Variants in PCCA observed in about 807,000 individuals in gnomAD.
PCCA encodes the protein propionyl-CoA carboxylase subunit alpha.
Under a neutral mutation model 101.3 loss-of-function variants are expected in PCCA, and 74 were observed. The observed-to-expected ratio is 0.73, with a 90% CI of 0.61 to 0.89. The LOEUF (loss-of-function observed/expected upper bound fraction) is 0.89. PCCA is among the 40% of genes least tolerant of loss of function. The pLI is 0.00. For synonymous variants in PCCA, 294 were observed against 313.6 expected (o/e 0.94, Z 0.66); for missense variants, 891 against 907.0 (o/e 0.98, Z 0.23).
chr13:100,261,520 C>G (rs1036790289), intron 9 of PCCA, among the ~76,000 whole-genome samples: 1 of 152,066 alleles, frequency 6.6e-6, no homozygotes, highest in African/African-American at 2.4e-5. Context: ...CATGGGCCAC[C>G]ACAACCAGCT....
chr13:100,094,348 C>T (rs937946155), intron 1 of PCCA, among the ~76,000 whole-genome samples: 1 of 150,946 alleles, frequency 6.6e-6, no homozygotes, highest in African/African-American at 2.4e-5. Flanking sequence ...CTTTTGACAA[C>T]ACTCTTGAAT....
intron 4 of PCCA, among the ~76,000 whole-genome samples, chr13:100,137,539 A>T (rs1176054950): frequency 6.6e-6 from 1 of 152,096 alleles, no homozygotes; most frequent in Non-Finnish European, 1.5e-5. Context: ...CACATTAAGG[A>T]TTATTGTATC....
chr13:100,317,546 G>C (rs1419754658), intron 16 of PCCA, among the ~76,000 whole-genome samples: 1 of 152,150 alleles, frequency 6.6e-6, no homozygotes, highest in Non-Finnish European at 1.5e-5. Context: ...ATGTTGCAGA[G>C]CCAGAACTTT....
chr13:100,201,876 A>C (rs1488254446), intron 6 of PCCA, among the ~76,000 whole-genome samples: 28 of 150,104 alleles, frequency 1.9e-4, no homozygotes, highest in African/African-American at 6.3e-4. Context: ...AAAAAAAAAA[A>C]AAAAAAAAAA....
chr13:100,441,380 C>G (rs2080353867), intron 20 of PCCA, among the ~76,000 whole-genome samples: 1 of 152,166 alleles, frequency 6.6e-6, no homozygotes, highest in South Asian at 2.1e-4. Context: ...CTTCCTCTTA[C>G]TGTTCAGTGA....
chr13:100,248,303 T>A lies in PCCA; in HGVS notation c.638-9292T>A, dbSNP rs77738346. On this transcript the variant is annotated intron_variant, in intron 8 of 23. Transcript: ENST00000376285. ...CTTGGCTTCTTTTTGATGACGACTTTAAAAAAAATGTCTCTTGTTCTTATT... is the reference window on the plus strand; with the variant it reads ...CTTGGCTTCTTTTTGATGACGACTTAAAAAAAAATGTCTCTTGTTCTTATT... Among the ~76,000 whole-genome samples, 1,466 of 151,990 alleles carry A rather than the reference T, an allele frequency of 9.6e-3. 72 individuals are homozygous for A. Among genetic ancestry groups the A allele is most frequent in the Admixed American group, 0.066 (1,001 of 15,268 alleles).
chr13:100,096,954 C>T (rs551468738), intron 1 of PCCA, among the ~76,000 whole-genome samples: 7 of 152,178 alleles, frequency 4.6e-5, no homozygotes, highest in African/African-American at 1.4e-4. Context: ...TTTGGGAGGC[C>T]GAGGCGAGTG....
At chr13:100,359,611 A>G (rs2074343207) in intron 18 of PCCA, among the ~76,000 whole-genome samples, 1 of 152,252 alleles carries the variant, frequency 6.6e-6, no homozygotes. Flanking sequence ...GTCACTAGTT[A>G]GAGTATGAAG....
chr13:100,419,633 A>T (rs2078615637), intron 19 of PCCA, among the ~76,000 whole-genome samples: 1 of 152,252 alleles, frequency 6.6e-6, no homozygotes, highest in Non-Finnish European at 1.5e-5. Flanking sequence ...GAAGAGACAC[A>T]GTTAGGGAGC....
chr13:100,497,299 G>GA (rs1194796834), intron 21 of PCCA, among the ~76,000 whole-genome samples: 1 of 152,082 alleles, frequency 6.6e-6, no homozygotes, highest in Non-Finnish European at 1.5e-5. Flanking sequence ...GAAAATTAGT[G>GA]AAAAATGAAA....
At chr13:100,264,671 A>G (rs1247446108) in intron 10 of PCCA, among the ~76,000 whole-genome samples, 1 of 152,108 alleles carries the variant, frequency 6.6e-6, no homozygotes, top group Non-Finnish European at 1.5e-5. Flanking sequence ...TTATATTAGA[A>G]ATAAATTGCT....
chr13:100,098,182 A>G (rs1456145316), intron 1 of PCCA, among the ~76,000 whole-genome samples: 1 of 152,184 alleles, frequency 6.6e-6, no homozygotes, highest in Non-Finnish European at 1.5e-5. Context: ...AGCCTGGGCA[A>G]ACATAGTGAG....
At chr13:100,432,146 A>AAAATAAATAAAT (rs59813518) in intron 20 of PCCA, among the ~76,000 whole-genome samples, 2 of 150,868 alleles carry the variant, frequency 1.3e-5, no homozygotes, top group East Asian at 4.0e-4. Context: ...CTCCATCTCA[A>AAAATAAATAAAT]AAATAAATAA....
At chr13:100,242,133 TTAAAA>T (rs1162296374) in intron 8 of PCCA, among the ~76,000 whole-genome samples, 2 of 152,176 alleles carry the variant, frequency 1.3e-5, no homozygotes, top group African/African-American at 4.8e-5. Flanking sequence ...GAAGAATAGA[TTAAAA>T]AAAGTGACTC....
chr13:100,150,874 T>A lies in PCCA; in HGVS notation c.301-4105T>A, dbSNP rs182329069. On this transcript the variant is annotated intron_variant, in intron 4 of 23. Coordinates refer to ENST00000376285, the MANE Select transcript of PCCA (RefSeq NM_000282.4). ...TGCCATAAGTTGCACCCTTAGGAAC[T>A]GGGCGTTTTCGGCCACCACGGCAAA... The A allele has an allele frequency of 4.5e-6, 7 of 1,569,308 alleles. No homozygotes were observed. The African/African-American group carries it at 8.1e-5, about 18-fold the overall frequency.
intron 4 of PCCA, among the ~76,000 whole-genome samples, chr13:100,124,908 G>T (rs1386628763): frequency 6.6e-6 from 1 of 151,986 alleles, no homozygotes; most frequent in Non-Finnish European, 1.5e-5. Flanking sequence ...AACCTCAAAC[G>T]CATTTTTTCT....
intron 16 of PCCA, among the ~76,000 whole-genome samples, chr13:100,320,008 G>A (rs1412328937): frequency 5.3e-5 from 8 of 152,196 alleles, no homozygotes; most frequent in Non-Finnish European, 8.8e-5. Flanking sequence ...TTGTTGAGCA[G>A]TGTTTTGTAG....
chr13:100,267,047 G>A lies in PCCA; in HGVS notation c.820-1642G>A, dbSNP rs187300679. On this transcript the variant is annotated intron_variant, in intron 10 of 23. Transcript: ENST00000376285. ...GCAAATCATTTTTGTTGAATGCCTA[G>A]TAAGTGCACAGAATTTTTAAAAAAT... Among the ~76,000 whole-genome samples the A allele has an allele frequency of 6.0e-3, 920 of 152,226 alleles. 8 individuals carry two copies. Among genetic ancestry groups the A allele is most frequent in the South Asian group, 0.028 (136 of 4,824 alleles).
chr13:100,452,590 G>A (rs577975363), intron 21 of PCCA, among the ~76,000 whole-genome samples: 1 of 152,246 alleles, frequency 6.6e-6, no homozygotes, highest in South Asian at 2.1e-4. Context: ...CCCTGGTCAC[G>A]CCGCTTACAG....
Sources: allele counts gnomAD v4.1 joint callset (sites outside exome capture counted in the v4.1 genomes callset), GRCh38; gene constraint gnomAD v4.1.1; transcripts MANE v1.5; gene names NCBI Gene and HGNC (gene_info 2026-07-23, HGNC 2026-07-21).